SCAF4: variants seen among roughly 807,000 people sequenced by gnomAD.
The protein encoded by SCAF4 is SR-related CTD associated factor 4.
SCAF4 carries 25 observed loss-of-function variants against 129.8 expected under a neutral mutation model. The ratio of observed to expected loss-of-function variants is 0.19; its 90% CI spans 0.14 to 0.27. SCAF4 has a LOEUF of 0.27. Among genes scored for constraint, SCAF4 ranks in the 10% least tolerant of loss-of-function variants. SCAF4 has a pLI of 1.00. For missense variants in SCAF4, 1,246 were observed against 1,457.1 expected (o/e 0.86, Z 2.36); for synonymous variants, 551 against 497.7 (o/e 1.11, Z -1.43).
intron 19 of SCAF4, among the ~76,000 whole-genome samples, chr21:31,681,873 C>T (rs1240219459): frequency 6.6e-6 from 1 of 152,162 alleles, no homozygotes; most frequent in Admixed American, 6.5e-5. Flanking sequence ...GGCTTCACTA[C>T]AGAATTTTTG....
At chr21:31,710,047 C>G (rs975656220) in intron 1 of SCAF4, among the ~76,000 whole-genome samples, 10 of 151,866 alleles carry the variant, frequency 6.6e-5, no homozygotes, top group African/African-American at 2.4e-4. Context: ...AAAAAAAAAT[C>G]CAGGAAGGCA....
chr21:31,713,099 T>C (rs2050844184), intron 1 of SCAF4, among the ~76,000 whole-genome samples: 1 of 152,242 alleles, frequency 6.6e-6, no homozygotes, highest in Non-Finnish European at 1.5e-5. Flanking sequence ...GTAAATGATT[T>C]ATTACTGAGT....
chr21:31,690,285 G>C (rs1447574355), intron 15 of SCAF4, among the ~76,000 whole-genome samples: 1 of 151,896 alleles, frequency 6.6e-6, no homozygotes, highest in Non-Finnish European at 1.5e-5. Context: ...AGGAGTTCGA[G>C]ACCAGCCTGG....
intron 3 of SCAF4, among the ~76,000 whole-genome samples, chr21:31,704,868 C>CA (rs1568849962): frequency 6.6e-6 from 1 of 152,082 alleles, no homozygotes; most frequent in Non-Finnish European, 1.5e-5. Flanking sequence ...AGCCAGTATA[C>CA]AAGGGCCATG....
Position 31,688,409 on chromosome 21 carries a change from A to G in SCAF4, c.1941T>C (p.Ala647=), listed in dbSNP as rs1312968678. The change falls in exon 16 of 20, where the codon GCT becomes GCC. Residue 647 remains alanine (A), a synonymous_variant. Transcript: ENST00000286835. ...ATACTGGTTCTGTGTGTGAGGTTTC[A>G]GCACCTCCATTTTGAGCAACTTCAT... ...PENEVAQNGG[A]ETSHTEPVSP... 1 of 1,614,014 alleles carries G rather than the reference A, an allele frequency of 6.2e-7. No individual in the cohort carries two copies. The highest frequency in any genetic ancestry group is 8.5e-7 in the Non-Finnish European group (1 of 1,179,946).
At chr21:31,694,004 G>C (rs1245581826) in intron 11 of SCAF4, among the ~76,000 whole-genome samples, 200 bp downstream of exon 11, 1 of 149,788 alleles carries the variant, frequency 6.7e-6, no homozygotes, top group African/African-American at 2.4e-5. Flanking sequence ...TAAATATAGG[G>C]AAAAAAAGTA....
At chr21:31,705,286 C>T in intron 3 of SCAF4, 137 bp downstream of exon 3, 1 of 479,310 alleles carries the variant, frequency 2.1e-6, no homozygotes, top group Non-Finnish European at 3.8e-6. Context: ...TTTTTATAAA[C>T]TTCTAGTGAT....
At chr21:31,683,309 G>A (rs2123491338) in intron 19 of SCAF4, among the ~76,000 whole-genome samples, 1 of 152,278 alleles carries the variant, frequency 6.6e-6, no homozygotes. Context: ...TTCTAGCCAT[G>A]CCTAGCTTAC....
chr21:31,721,725 C>CCT (rs2051071398), intron 1 of SCAF4, among the ~76,000 whole-genome samples: 1 of 125,450 alleles, frequency 8.0e-6, no homozygotes, highest in African/African-American at 2.9e-5. Context: ...AAGAGCAATT[C>CCT]TTTTTTTTTT....
intron 1 of SCAF4, among the ~76,000 whole-genome samples, chr21:31,717,866 C>CATATATAT (rs1568861925): frequency 3.1e-4 from 34 of 109,346 alleles, no homozygotes; most frequent in African/African-American, 1.5e-3. Flanking sequence ...CACACACACA[C>CATATATAT]ACACATATAC....
intron 1 of SCAF4, among the ~76,000 whole-genome samples, chr21:31,723,328 T>A (rs2051117161): frequency 6.6e-6 from 1 of 151,990 alleles, no homozygotes. Context: ...GGCGTGCACC[T>A]GTAATCTCAG....
intron 1 of SCAF4, among the ~76,000 whole-genome samples, chr21:31,717,886 CACATATATACACATATAT>C (rs1318974320): frequency 6.5e-5 from 7 of 108,368 alleles, no homozygotes; most frequent in African/African-American, 2.5e-4. Context: ...CACATATATA[CACATATATACACATATAT>C]ACACACACAC....
intron 19 of SCAF4, among the ~76,000 whole-genome samples, chr21:31,678,012 C>A (rs761117499): frequency 3.3e-5 from 5 of 152,174 alleles, no homozygotes; most frequent in Non-Finnish European, 7.3e-5. Context: ...CTGCCAAATG[C>A]TGAAGAATTT....
At chr21:31,726,277 C>A (rs2051202141) in intron 1 of SCAF4, among the ~76,000 whole-genome samples, 1 of 152,146 alleles carries the variant, frequency 6.6e-6, no homozygotes, top group South Asian at 2.1e-4. Flanking sequence ...GATCTCTTGA[C>A]TTTGTCATCT....
intron 19 of SCAF4, among the ~76,000 whole-genome samples, chr21:31,674,865 C>A (rs2123462030): frequency 6.6e-6 from 1 of 152,270 alleles, no homozygotes; most frequent in South Asian, 2.1e-4. Context: ...ATAGTCCTTT[C>A]CTTCAAAAGG....
At chr21:31,699,640 C>G (rs1568844705) in intron 7 of SCAF4, among the ~76,000 whole-genome samples, 1 of 151,906 alleles carries the variant, frequency 6.6e-6, no homozygotes, top group Non-Finnish European at 1.5e-5. Flanking sequence ...TTAATTTAGA[C>G]TATTGGCAAT....
chr21:31,702,197 CA>C (rs761935349), intron 5 of SCAF4, 46 bp downstream of exon 5: 1 of 1,610,454 alleles, frequency 6.2e-7, no homozygotes. Context: ...GTTTCATGTG[CA>C]AAAAATCATA....
intron 7 of SCAF4, among the ~76,000 whole-genome samples, chr21:31,697,704 A>T (rs2050422725): frequency 6.6e-6 from 1 of 152,190 alleles, no homozygotes; most frequent in Non-Finnish European, 1.5e-5. Flanking sequence ...CTGCCTAGAG[A>T]TTCTGGTTTT....
chr21:31,716,927 G>T (rs990629790), intron 1 of SCAF4, among the ~76,000 whole-genome samples: 2 of 152,050 alleles, frequency 1.3e-5, no homozygotes, highest in Non-Finnish European at 2.9e-5. Flanking sequence ...CATACACACA[G>T]TAAGAGGTAC....
Sources: allele counts gnomAD v4.1 joint callset (sites outside exome capture counted in the v4.1 genomes callset), GRCh38; gene constraint gnomAD v4.1.1; transcripts MANE v1.5; gene names NCBI Gene and HGNC (gene_info 2026-07-23, HGNC 2026-07-21).